Variants in SEZ6 observed in about 807,000 individuals in gnomAD.
SEZ6 encodes seizure related 6 homolog.
SEZ6 carries 53 observed loss-of-function variants against 101.0 expected under a neutral mutation model. That is an observed-to-expected ratio of 0.52 (90% CI 0.42 to 0.66). The LOEUF is 0.66. Among genes scored for constraint, SEZ6 ranks in the 30% least tolerant of loss-of-function variants. The probability of loss-of-function intolerance (pLI) is 0.00; values close to 1 mark genes in which losing one functional copy is unlikely to be tolerated. For synonymous variants in SEZ6, 488 were observed against 512.2 expected (o/e 0.95, Z 0.64); for missense variants, 1,102 against 1,289.4 (o/e 0.85, Z 2.23).
In SEZ6 at chr17:28,956,336, G is replaced by T. The variant is rs2040878154; in HGVS notation, c.2849+14C>A. On this transcript the variant is annotated intron_variant, in intron 15 of 16. Coordinates refer to ENST00000317338, the MANE Select transcript of SEZ6 (RefSeq NM_178860.5). ...TATGCAGGTATGCAGAGCAGAAAGA[G>T]AAGCCAGACTCACCTGGAGAAGTAG... 2 of 1,574,366 alleles carry T rather than the reference G, an allele frequency of 1.3e-6. No individual in the cohort carries two copies. The highest frequency in any genetic ancestry group is 4.6e-5 in the East Asian group (2 of 43,282).
intron 3 of SEZ6, among the ~76,000 whole-genome samples, chr17:28,976,137 G>A (rs1447003588): frequency 6.6e-6 from 1 of 152,248 alleles, no homozygotes; most frequent in Admixed American, 6.5e-5. Context: ...CCTCCTCCCT[G>A]TGGATGGCTC....
intron 1 of SEZ6, among the ~76,000 whole-genome samples, chr17:28,995,799 G>A (rs1479905367): frequency 1.3e-5 from 2 of 152,152 alleles, no homozygotes; most frequent in African/African-American, 2.4e-5. Context: ...GGGTGTGGAA[G>A]GCAATGAGCT....
At chr17:28,965,277 G>C (rs972536475) in intron 4 of SEZ6, among the ~76,000 whole-genome samples, 39 of 152,158 alleles carry the variant, frequency 2.6e-4, no homozygotes, top group Non-Finnish European at 1.3e-4. Context: ...GCTTGAACCC[G>C]GCAGGTGGAG....
Position 28,957,169 on chromosome 17 carries a change from G to A in SEZ6, c.2568C>T (p.His856=), listed in dbSNP as rs771367409. The part of the protein sequence containing the change: ...NGARSPEKQL[H]PAGATIHFSC... ...AGAAGTGGATGGTGGCCCCTGCTGG[G>A]TGTAGCTGCTTCTCAGGACTTCGGG... Residue 856 remains histidine (H), a synonymous_variant, in exon 13 of 17, where the codon CAC becomes CAT. Coordinates refer to ENST00000317338, the MANE Select transcript of SEZ6 (RefSeq NM_178860.5). 3 of 1,614,014 alleles carry A rather than the reference G, an allele frequency of 1.9e-6. No individual in the cohort carries two copies. Among genetic ancestry groups the A allele is most frequent in the Non-Finnish European group, 2.5e-6 (3 of 1,179,880 alleles).
chr17:29,003,300 C>T (rs1005658521), intron 1 of SEZ6, among the ~76,000 whole-genome samples: 27 of 152,352 alleles, frequency 1.8e-4, no homozygotes, highest in African/African-American at 3.8e-4. Flanking sequence ...TGGCCCAAGA[C>T]GCCCCTGATG....
At chr17:28,966,121 C>T (rs1174329420) in intron 4 of SEZ6, among the ~76,000 whole-genome samples, 1 of 148,908 alleles carries the variant, frequency 6.7e-6, no homozygotes, top group African/African-American at 2.5e-5. Flanking sequence ...CCAGCCTGGG[C>T]GACAGAGTGA....
chr17:28,981,031 G>C (rs1234389113), intron 2 of SEZ6, among the ~76,000 whole-genome samples: 1 of 152,142 alleles, frequency 6.6e-6, no homozygotes, highest in Non-Finnish European at 1.5e-5. Flanking sequence ...GAGTAGCTGG[G>C]ATTACAGGTG....
Position 29,006,017 on chromosome 17 carries a change from G to T in SEZ6, c.-148C>A. ...ACCGCCGCTGCCGCCGCCAGCGCCT[G>T]ACAGAATCAGCACCACGGCCAGCGC... On this transcript the variant is annotated 5_prime_UTR_variant, in exon 1 of 17. Coordinates refer to ENST00000317338, the MANE Select transcript of SEZ6 (RefSeq NM_178860.5). 3.3e-6 allele frequency: 2 copies of T among 598,352 alleles called. No homozygotes were observed. The highest frequency in any genetic ancestry group is 6.6e-5 in the South Asian group (1 of 15,202). The allele number at this position is 598,352 out of a possible 1,614,324, so 37.1% of individuals were successfully genotyped here.
intron 7 of SEZ6, 138 bp downstream of exon 7, chr17:28,960,367 A>C: frequency 1.3e-5 from 15 of 1,159,522 alleles, no homozygotes; most frequent in Non-Finnish European, 1.7e-5. Context: ...AAGGGGGCCT[A>C]AGTACTGAGT....
At chr17:28,994,053 C>T (rs368462765) in intron 1 of SEZ6, among the ~76,000 whole-genome samples, 37 of 152,210 alleles carry the variant, frequency 2.4e-4, no homozygotes, top group Non-Finnish European at 4.6e-4. Flanking sequence ...TAAGCCCAGA[C>T]CCCTGGGCTA....
chr17:28,961,435 C>T (rs890677404), intron 5 of SEZ6, among the ~76,000 whole-genome samples: 5 of 152,116 alleles, frequency 3.3e-5, no homozygotes, highest in African/African-American at 1.2e-4. Flanking sequence ...ACTAGGACCC[C>T]CTGGAGCAGG....
At chr17:28,992,643 A>G (rs1477704886) in intron 1 of SEZ6, among the ~76,000 whole-genome samples, 2 of 152,024 alleles carry the variant, frequency 1.3e-5, no homozygotes, top group Non-Finnish European at 2.9e-5. Context: ...CCCCAGGGCC[A>G]TCTGTCCTGG....
At chr17:28,997,474 A>G (rs2041558152) in intron 1 of SEZ6, among the ~76,000 whole-genome samples, 1 of 152,118 alleles carries the variant, frequency 6.6e-6, no homozygotes, top group Non-Finnish European at 1.5e-5. Context: ...AAGGCCTTAG[A>G]AGCACCCTGA....
At chr17:28,972,606 G>A (rs941016338) in intron 3 of SEZ6, among the ~76,000 whole-genome samples, 4 of 152,222 alleles carry the variant, frequency 2.6e-5, no homozygotes, top group African/African-American at 4.8e-5. Context: ...CGTTTGGGCG[G>A]AGGCTGCCTG....
Position 28,959,489 on chromosome 17 carries a change from G to A in SEZ6, c.1772-17C>T, listed in dbSNP as rs2152683623. 2 of 1,608,972 alleles carry A rather than the reference G, an allele frequency of 1.2e-6. No homozygotes were observed. The highest frequency in any genetic ancestry group is 1.1e-5 in the South Asian group (1 of 91,060). ...TGCACACGGCTGGAAGGCAGAGGAGGCCCAGAAGGGTCTTTTCAAGCTTAC... is the reference window on the plus strand; with the variant it reads ...TGCACACGGCTGGAAGGCAGAGGAGACCCAGAAGGGTCTTTTCAAGCTTAC... On this transcript the variant is annotated splice_polypyrimidine_tract_variant and intron_variant, in intron 8 of 16. Transcript: ENST00000317338. This position sits in a 1 kb window ranked among gnomAD's most constrained non-coding sequence, Gnocchi z 4.4.
At chr17:28,971,691 A>G (rs12453166) in intron 3 of SEZ6, among the ~76,000 whole-genome samples, 21,106 of 152,252 alleles carry the variant, frequency 0.14, 1,557 homozygotes, top group South Asian at 0.25. Flanking sequence ...ACTGATCTAC[A>G]TGGGCTCAAG....
intron 13 of SEZ6, 74 bp from the exon 14 acceptor site, chr17:28,956,831 T>C (rs1598175797): frequency 6.7e-7 from 1 of 1,499,626 alleles, no homozygotes; most frequent in Admixed American, 2.0e-5. Flanking sequence ...GGAGAGGAGG[T>C]AGTGGGATGA....
Position 28,959,038 on chromosome 17 carries a change from G to A in SEZ6, c.2094C>T (p.Val698=). 6.2e-7 allele frequency: 1 copy of A among 1,612,638 alleles called. No homozygotes were observed. Among genetic ancestry groups the A allele is most frequent in the Non-Finnish European group, 8.5e-7 (1 of 1,179,120 alleles). Residue 698 remains valine (V), a synonymous_variant, in exon 10 of 17, where the codon GTC becomes GTT. Transcript: ENST00000317338. The surrounding 1 kb of genome is among the most constrained non-coding windows in gnomAD (Gnocchi z 4.4). ...GGACAAGCTCACCAAAGAAGTGGAT[G>A]ACGAAGCCCTGCTGGTAGCCCAGCA... ...TSVLGYQQGF[V]IHFFEVPRND...
chr17:28,994,173 G>C (rs1045258544), intron 1 of SEZ6, among the ~76,000 whole-genome samples: 3 of 152,212 alleles, frequency 2.0e-5, no homozygotes, highest in African/African-American at 7.2e-5. Context: ...AGAAGGCCTC[G>C]AGCATGGATG....
Sources: gnomAD v4.1 joint callset for allele counts (sites outside exome capture counted in the v4.1 genomes callset) on GRCh38, gnomAD v4.1.1 for gene constraint, Gnocchi (gnomAD v3.1) non-coding constraint, MANE v1.5 for transcripts, NCBI Gene and HGNC (gene_info 2026-07-23, HGNC 2026-07-21) for gene names.